PDE5A: variants seen among roughly 807,000 people sequenced by gnomAD.
PDE5A encodes cGMP-specific 3',5'-cyclic phosphodiesterase.
PDE5A carries 67 observed loss-of-function variants against 110.2 expected under a neutral mutation model. That is an observed-to-expected ratio of 0.61 (90% CI 0.50 to 0.75). PDE5A has a LOEUF of 0.75. Ranked by LOEUF, PDE5A falls within the 30% of genes least tolerant of loss-of-function variation. The pLI is 0.00. For missense variants in PDE5A, 862 were observed against 1,045.1 expected, an observed-to-expected ratio of 0.82 and a Z score of 2.42; for synonymous variants, 328 against 351.2, an observed-to-expected ratio of 0.93 and a Z score of 0.74.
At chr4:119,618,621 CTT>C (rs35062994) in intron 1 of PDE5A, among the ~76,000 whole-genome samples, 1 of 150,790 alleles carries the variant, frequency 6.6e-6, no homozygotes, top group African/African-American at 2.4e-5. Flanking sequence ...TACTTAGAGA[CTT>C]TTTTTTTGTC....
chr4:119,564,177 A>G (rs760811165), intron 5 of PDE5A, among the ~76,000 whole-genome samples: 2 of 152,018 alleles, frequency 1.3e-5, no homozygotes, highest in African/African-American at 2.4e-5. Context: ...TATATTGTAG[A>G]TAATAAATAT....
chr4:119,518,937 G>C (rs754438924), intron 14 of PDE5A, 108 bp downstream of exon 14: 4 of 663,312 alleles, frequency 6.0e-6, no homozygotes, highest in Non-Finnish European at 1.1e-5. Flanking sequence ...TATAACCAGA[G>C]TATGTTATGG....
At chr4:119,624,898 T>A (rs1247445077) in intron 1 of PDE5A, among the ~76,000 whole-genome samples, 1 of 152,218 alleles carries the variant, frequency 6.6e-6, no homozygotes, top group Non-Finnish European at 1.5e-5. Flanking sequence ...CCAGATGTGA[T>A]TTATTGGCCT....
At chr4:119,564,709 A>G (rs928148775) in intron 5 of PDE5A, among the ~76,000 whole-genome samples, 2 of 152,150 alleles carry the variant, frequency 1.3e-5, no homozygotes, top group African/African-American at 4.8e-5. Flanking sequence ...TTCTGTAACA[A>G]AGGTAGTATG....
chr4:119,498,746 G>GA lies in PDE5A; in HGVS notation c.2491-9dup. The GA allele has an allele frequency of 6.2e-7, 1 of 1,612,820 alleles. No individual in the cohort carries two copies. Among genetic ancestry groups the GA allele is most frequent in the Non-Finnish European group, 8.5e-7 (1 of 1,179,574 alleles). On this transcript the variant is annotated splice_polypyrimidine_tract_variant and intron_variant, in intron 20 of 20. Coordinates refer to ENST00000354960, the MANE Select transcript of PDE5A (RefSeq NM_001083.4). The stretch of plus-strand genomic sequence containing the variant: ...TGACACGTGGGTCAGGGCCTAAAGA[G>GA]AAAAAAGAAAGCAAACAGCTAGAGA...
intron 19 of PDE5A, chr4:119,502,338 G>T: frequency 1.0e-5 from 3 of 298,436 alleles, no homozygotes; most frequent in Non-Finnish European, 1.9e-5. Context: ...ATACTTAAGC[G>T]GAAAAAAACA....
chr4:119,584,862 G>A (rs1728704931), intron 3 of PDE5A, among the ~76,000 whole-genome samples: 1 of 152,300 alleles, frequency 6.6e-6, no homozygotes, highest in South Asian at 2.1e-4. Flanking sequence ...AAACGATGGT[G>A]CAGAAAGATA....
chr4:119,510,065 GAGTT>G (rs34521874), intron 15 of PDE5A, among the ~76,000 whole-genome samples: 39,722 of 151,748 alleles, frequency 0.26, 5,291 homozygotes, highest in East Asian at 0.38. Flanking sequence ...AGAGAGGAAG[GAGTT>G]AGAAGAAACA....
intron 1 of PDE5A, among the ~76,000 whole-genome samples, chr4:119,609,035 G>A (rs1002963122): frequency 7.9e-5 from 12 of 152,104 alleles, no homozygotes; most frequent in Non-Finnish European, 1.2e-4. Flanking sequence ...GGTGGCGGGC[G>A]CCTGTAGTCC....
At chr4:119,502,820 C>T (rs1336276470) in intron 18 of PDE5A, among the ~76,000 whole-genome samples, 165 bp from the exon 19 acceptor site, 1 of 152,196 alleles carries the variant, frequency 6.6e-6, no homozygotes, top group African/African-American at 2.4e-5. Flanking sequence ...AGCGTGCTCT[C>T]TTAACTATTA....
chr4:119,511,164 AAGATC>A (rs1367263057), intron 14 of PDE5A, 30 bp from the exon 15 acceptor site: 8 of 1,417,234 alleles, frequency 5.6e-6, no homozygotes, highest in Non-Finnish European at 8.0e-6. Context: ...GAAAGGAAAA[AAGATC>A]AGTTTCCTTA....
In PDE5A at chr4:119,553,683, T is replaced by C. The variant is rs202222929; in HGVS notation, c.1263A>G (p.Pro421=). The C allele has an allele frequency of 1.9e-6, 3 of 1,598,756 alleles. No individual in the cohort carries two copies. The highest frequency in any genetic ancestry group is 2.6e-6 in the Non-Finnish European group (3 of 1,166,316). Residue 421 remains proline, a synonymous_variant, in exon 8 of 21, where the codon CCA becomes CCG. Transcript: ENST00000354960. Reference sequence around the variant, plus strand: ...CCTTACTGACATCTGGGATATTAAGTGGTTCCATAGTATTTTTGACATACT... The same window carrying C: ...CCTTACTGACATCTGGGATATTAAGCGGTTCCATAGTATTTTTGACATACT... The part of the protein sequence containing the change: ...YAQYVKNTME[P]LNIPDVSKDK...
chr4:119,590,765 T>A (rs990110914), intron 3 of PDE5A, among the ~76,000 whole-genome samples: 6 of 152,224 alleles, frequency 3.9e-5, no homozygotes, highest in African/African-American at 1.4e-4. Context: ...CAGTGAATCT[T>A]AAAAATCTTC....
Position 119,525,408 on chromosome 4 carries a change from G to C in PDE5A, c.1779+141C>G. The C allele has an allele frequency of 3.0e-6, 2 of 665,992 alleles. No individual in the cohort carries two copies. The highest frequency in any genetic ancestry group is 1.8e-5 in the African/African-American group (1 of 54,974). The allele number at this position is 665,992 out of a possible 1,614,324, so 41.3% of individuals were successfully genotyped here. On this transcript the variant is annotated intron_variant, in intron 12 of 20. Transcript: ENST00000354960. The surrounding 1 kb of genome is among the most constrained non-coding windows in gnomAD (Gnocchi z 4.3). ...ATGATAATTTTTCTTTAAAAGTCTC[G>C]GGTATATATTAGGTGACAGTATATT...
chr4:119,616,129 T>C (rs1291220604), intron 1 of PDE5A, among the ~76,000 whole-genome samples: 1 of 152,222 alleles, frequency 6.6e-6, no homozygotes, highest in Non-Finnish European at 1.5e-5. Context: ...TTTAAACTTT[T>C]ACAACACATC....
rs77743954 is a variant in PDE5A, at chr4:119,525,518, A to T, written c.1779+31T>A. On this transcript the variant is annotated intron_variant, in intron 12 of 20. Coordinates refer to ENST00000354960, the MANE Select transcript of PDE5A (RefSeq NM_001083.4). The surrounding 1 kb of genome is among the most constrained non-coding windows in gnomAD (Gnocchi z 4.3). The stretch of plus-strand genomic sequence containing the variant: ...TACATACACACACACATACACATAG[A>T]CTTTTCCAAAGGATGTTGCTGCATT... 2 of 1,606,684 alleles carry T rather than the reference A, an allele frequency of 1.2e-6. No individual in the cohort carries two copies. Among genetic ancestry groups the T allele is most frequent in the African/African-American group, 1.3e-5 (1 of 74,800 alleles).
intron 6 of PDE5A, 77 bp downstream of exon 6, chr4:119,562,756 T>G: frequency 1.8e-4 from 224 of 1,263,268 alleles, no homozygotes; most frequent in Non-Finnish European, 2.1e-4. Flanking sequence ...AAGACCAAAA[T>G]GAGGTTTAAA....
At chr4:119,586,555 C>T (rs183482444) in intron 3 of PDE5A, among the ~76,000 whole-genome samples, 75 of 152,244 alleles carry the variant, frequency 4.9e-4, no homozygotes, top group Middle Eastern at 3.4e-3. Flanking sequence ...CTTAACTCTT[C>T]AAGAATACAT....
chr4:119,523,749 T>C (rs1356854894), intron 12 of PDE5A, among the ~76,000 whole-genome samples: 1 of 152,118 alleles, frequency 6.6e-6, no homozygotes, highest in Non-Finnish European at 1.5e-5. Flanking sequence ...AATCAACTTA[T>C]ATGAATTTCA....
Sources: gnomAD v4.1 joint callset for allele counts (sites outside exome capture counted in the v4.1 genomes callset) on GRCh38, gnomAD v4.1.1 for gene constraint, Gnocchi (gnomAD v3.1) non-coding constraint, MANE v1.5 for transcripts, NCBI Gene and HGNC (gene_info 2026-07-23, HGNC 2026-07-21) for gene names.